Variants in NUP98 observed in about 807,000 individuals in gnomAD.
NUP98 encodes the protein nucleoporin 98 and 96 precursor.
In NUP98, 26 loss-of-function variants were observed where a neutral mutation model predicts 191.9. The ratio of observed to expected loss-of-function variants is 0.14; its 90% CI spans 0.10 to 0.19. NUP98 has a LOEUF of 0.19. Ranked by LOEUF, NUP98 falls within the 10% of genes least tolerant of loss-of-function variation. NUP98 has a pLI of 1.00. For synonymous variants in NUP98, 808 were observed against 778.4 expected, an observed-to-expected ratio of 1.04 and a Z score of -0.63; for missense variants, 1,941 against 2,178.8, an observed-to-expected ratio of 0.89 and a Z score of 2.17.
intron 12 of NUP98, among the ~76,000 whole-genome samples, chr11:3,741,708 G>A (rs2080292357): frequency 6.6e-6 from 1 of 152,142 alleles, no homozygotes; most frequent in Non-Finnish European, 1.5e-5. Context: ...CAACTGTTAA[G>A]ATAGAAAGGA....
At chr11:3,739,258 T>A (rs1430722827) in intron 12 of NUP98, among the ~76,000 whole-genome samples, 1 of 150,596 alleles carries the variant, frequency 6.6e-6, no homozygotes, top group African/African-American at 2.4e-5. Flanking sequence ...ATTAAAACAA[T>A]TTTTTTTTTG....
At chr11:3,784,594 AAC>A (rs1378713261) in intron 1 of NUP98, among the ~76,000 whole-genome samples, 1 of 141,994 alleles carries the variant, frequency 7.0e-6, no homozygotes, top group Non-Finnish European at 1.6e-5. Context: ...ACAAAAAAAA[AAC>A]AAAAAAAAAC....
intron 23 of NUP98, 144 bp downstream of exon 23, chr11:3,702,313 ACTCTCT>A (rs71041375): frequency 0.016 from 5,342 of 342,592 alleles, 47 homozygotes; most frequent in Non-Finnish European, 0.018. Flanking sequence ...ACACACACAC[ACTCTCT>A]CTCTCTCTCT....
chr11:3,687,638 AG>A (rs1380798812), intron 28 of NUP98, among the ~76,000 whole-genome samples: 1 of 152,262 alleles, frequency 6.6e-6, no homozygotes, highest in Non-Finnish European at 1.5e-5. Flanking sequence ...ACACCAACCA[AG>A]AAAAAAAGAG....
intron 18 of NUP98, among the ~76,000 whole-genome samples, chr11:3,718,669 G>A (rs1440102195): frequency 2.6e-5 from 4 of 152,228 alleles, no homozygotes; most frequent in Non-Finnish European, 4.4e-5. Flanking sequence ...GGTAGGTTAT[G>A]AAGATAAATA....
At chr11:3,711,360 A>G (rs1490619727) in intron 20 of NUP98, among the ~76,000 whole-genome samples, 2 of 152,170 alleles carry the variant, frequency 1.3e-5, no homozygotes. Flanking sequence ...GTGTCAATAT[A>G]GGAGTTTATA....
In NUP98 at chr11:3,676,382, G is replaced by A; in HGVS notation, c.5186-6C>T. On this transcript the variant is annotated splice_region_variant and splice_polypyrimidine_tract_variant and intron_variant, in intron 32 of 32. Coordinates refer to ENST00000324932, the MANE Select transcript of NUP98 (RefSeq NM_016320.5). ...GGCTACACGTTTGGCCATGTCTAGA[G>A]AGAAAAACTAGAGTCAAGCACTGAG... 1 of 1,613,908 alleles carries A rather than the reference G, an allele frequency of 6.2e-7. No homozygotes were observed.
At chr11:3,768,835 G>A (rs748836925) in intron 7 of NUP98, 91 bp from the exon 8 acceptor site, 25 of 1,029,580 alleles carry the variant, frequency 2.4e-5, no homozygotes, top group East Asian at 2.4e-4. Flanking sequence ...TCCAGTTGTT[G>A]TAATAGTCTT....
At position 3,705,642 on chromosome 11, in the gene NUP98, G is replaced by T. The variant is rs188702041; in HGVS notation, c.2926-286C>A. Among the ~76,000 whole-genome samples, 814 of 152,284 alleles carry T rather than the reference G, an allele frequency of 5.3e-3. 11 individuals carry two copies. The highest frequency in any genetic ancestry group is 0.017 in the African/African-American group (707 of 41,558). On this transcript the variant is annotated intron_variant, in intron 21 of 32. Coordinates refer to ENST00000324932, the MANE Select transcript of NUP98 (RefSeq NM_016320.5). ...TTTTAAAGTCAAACATAAGCCAAAG[G>T]TTAAACACATAACACACCAAAAGGC...
At chr11:3,760,860 A>T (rs985432266) in intron 9 of NUP98, among the ~76,000 whole-genome samples, 1 of 152,194 alleles carries the variant, frequency 6.6e-6, no homozygotes. Context: ...ACCCCTAAGG[A>T]TTACGACTGA....
intron 18 of NUP98, among the ~76,000 whole-genome samples, chr11:3,718,504 C>G (rs2079267064): frequency 6.6e-6 from 1 of 151,374 alleles, no homozygotes; most frequent in African/African-American, 2.4e-5. Flanking sequence ...CCACTGCACT[C>G]CAGCTTGGGC....
chr11:3,687,036 C>T (rs1045795182), intron 28 of NUP98, among the ~76,000 whole-genome samples: 1 of 152,058 alleles, frequency 6.6e-6, no homozygotes, highest in Non-Finnish European at 1.5e-5. Context: ...CTCATGCGAT[C>T]CTCTCACTTC....
chr11:3,685,913 C>A (rs1457180757), intron 29 of NUP98, 60 bp downstream of exon 29: 32 of 1,311,738 alleles, frequency 2.4e-5, no homozygotes, highest in Non-Finnish European at 3.4e-5. Flanking sequence ...AAGACTGATT[C>A]CTTTGGAATT....
rs115011158 is a variant in NUP98 at position 3,738,481 on chromosome 11, A to G, written c.1409-3157T>C. Among the ~76,000 whole-genome samples the G allele has an allele frequency of 7.8e-3, 1,185 of 152,314 alleles. 17 individuals are homozygous for G. Among genetic ancestry groups the G allele is most frequent in the Middle Eastern group, 0.027 (8 of 294 alleles). On this transcript the variant is annotated intron_variant, in intron 12 of 32. Transcript: ENST00000324932. ...TTATCCAGAAGAAAGTCAGTGGGTT[A>G]CCACAAATATACTACAGCAAGGCAT... is the stretch of plus-strand genomic sequence containing the variant.
At chr11:3,749,041 G>A (rs1326270070) in intron 11 of NUP98, among the ~76,000 whole-genome samples, 2 of 152,026 alleles carry the variant, frequency 1.3e-5, no homozygotes, top group Non-Finnish European at 2.9e-5. Context: ...GGGCGCGGTG[G>A]CTCACGCCTG....
In NUP98 at chr11:3,751,772, T is replaced by C. The variant is rs375142568; in HGVS notation, c.1267+1544A>G. 2.6e-5 allele frequency among the ~76,000 whole-genome samples: 4 copies of C among 151,982 alleles called. No homozygotes were observed. The East Asian group carries it at 7.8e-4, about 29-fold the overall frequency. ...TACTAGGGAGGCTGAGGTGGGAGGA[T>C]GGTTTGAGCCTGGGAGGTAGAGGTT... On this transcript the variant is annotated intron_variant, in intron 11 of 32. Coordinates refer to ENST00000324932, the MANE Select transcript of NUP98 (RefSeq NM_016320.5).
intron 18 of NUP98, among the ~76,000 whole-genome samples, chr11:3,719,104 G>A (rs1347261614): frequency 6.9e-6 from 1 of 145,628 alleles, no homozygotes; most frequent in East Asian, 2.0e-4. Flanking sequence ...TGGGCAACAA[G>A]AGCAAAACTC....
chr11:3,774,745 G>A (rs1226436614), intron 5 of NUP98, among the ~76,000 whole-genome samples: 4 of 151,040 alleles, frequency 2.6e-5, no homozygotes, highest in African/African-American at 9.7e-5. Context: ...GTTTTTCCCC[G>A]ATAACATTAC....
chr11:3,768,566 G>A lies in NUP98; in HGVS notation c.948+15C>T, dbSNP rs369999852. The A allele has an allele frequency of 1.9e-6, 3 of 1,544,212 alleles. No individual in the cohort carries two copies. The African/African-American group carries it at 4.1e-5, about 21-fold the overall frequency. ...AAAATAAGACATGGAGGTAAGTAAGGGTCTGTTTCCTTACCATGGTGTTGG... is the reference window on the plus strand; with the variant it reads ...AAAATAAGACATGGAGGTAAGTAAGAGTCTGTTTCCTTACCATGGTGTTGG... On this transcript the variant is annotated intron_variant, in intron 8 of 32. Coordinates refer to ENST00000324932, the MANE Select transcript of NUP98 (RefSeq NM_016320.5).
Sources: gnomAD v4.1 joint callset for allele counts (sites outside exome capture counted in the v4.1 genomes callset) on GRCh38, gnomAD v4.1.1 for gene constraint, MANE v1.5 for transcripts, NCBI Gene and HGNC (gene_info 2026-07-23, HGNC 2026-07-21) for gene names.